The following MELK variants were observed in gnomAD, a reference collection of about 807,000 sequenced individuals.
MELK encodes the protein pEg3 kinase.
A neutral mutation model predicts 85.0 loss-of-function variants in MELK; 81 were observed. That is an observed-to-expected ratio of 0.95 (90% CI 0.80 to 1.15). MELK has a LOEUF of 1.15. Among genes scored for constraint, MELK ranks in the 50% most tolerant of loss-of-function variants. The probability of loss-of-function intolerance (pLI) is 0.00; values close to 1 mark genes in which losing one functional copy is unlikely to be tolerated. For synonymous variants in MELK, 252 were observed against 265.0 expected (o/e 0.95, Z 0.48); for missense variants, 754 against 777.5 (o/e 0.97, Z 0.36).
chr9:36,630,204 T>G, intron 8 of MELK, 95 bp from the exon 9 acceptor site: 1 of 939,730 alleles, frequency 1.1e-6, no homozygotes, highest in South Asian at 1.4e-5. Flanking sequence ...GGTGAAGTCT[T>G]CAAGCTTAAA....
intron 11 of MELK, among the ~76,000 whole-genome samples, chr9:36,644,852 A>G (rs1196860112): frequency 6.6e-6 from 1 of 152,148 alleles, no homozygotes; most frequent in Non-Finnish European, 1.5e-5. Context: ...TCTATATCCT[A>G]CCACTTTCTC....
At chr9:36,652,662 G>A (rs1323462456) in intron 12 of MELK, among the ~76,000 whole-genome samples, 3 of 150,872 alleles carry the variant, frequency 2.0e-5, no homozygotes, top group East Asian at 2.0e-4. Flanking sequence ...CCCGAGAGGC[G>A]GAGGTTACAG....
intron 7 of MELK, 81 bp downstream of exon 7, chr9:36,599,567 T>TG (rs1564143170): frequency 2.1e-6 from 2 of 951,612 alleles, no homozygotes; most frequent in Non-Finnish European, 3.3e-6. Context: ...CACTGTGCGT[T>TG]GGGGGTATAA....
Position 36,615,228 on chromosome 9 carries a change from C to T in MELK, c.666+7555C>T, listed in dbSNP as rs1462278754. Among the ~76,000 whole-genome samples, 555 of 138,468 alleles carry T rather than the reference C, an allele frequency of 4.0e-3. 2 individuals are homozygous for T. The highest frequency in any genetic ancestry group is 0.013 in the African/African-American group (453 of 35,300). 90.8% of individuals were successfully genotyped at this position (138,468 alleles called of 152,430 possible). A position where few individuals can be genotyped will look rare whatever the true frequency, so the allele number is the denominator to read the frequency against. On this transcript the variant is annotated intron_variant, in intron 8 of 17. Coordinates refer to ENST00000298048, the MANE Select transcript of MELK (RefSeq NM_014791.4). ...CCCCCCACCTCCCTCCCAGACGGCACGGCTGGCCAGGCGGGGGGCTGACCC... is the reference window on the plus strand; with the variant it reads ...CCCCCCACCTCCCTCCCAGACGGCATGGCTGGCCAGGCGGGGGGCTGACCC...
chr9:36,602,020 TG>T (rs1683206659), intron 7 of MELK, among the ~76,000 whole-genome samples: 2 of 152,352 alleles, frequency 1.3e-5, no homozygotes, highest in South Asian at 4.1e-4. Flanking sequence ...TGAATAATGT[TG>T]ATAGGAATAT....
intron 8 of MELK, among the ~76,000 whole-genome samples, chr9:36,613,694 A>G (rs1206501967): frequency 6.6e-6 from 1 of 152,144 alleles, no homozygotes; most frequent in African/African-American, 2.4e-5. Flanking sequence ...TCAAGTGGAT[A>G]TCTAGGAGAA....
intron 12 of MELK, among the ~76,000 whole-genome samples, chr9:36,653,938 C>T (rs1377407785): frequency 3.3e-5 from 5 of 152,152 alleles, no homozygotes; most frequent in African/African-American, 1.2e-4. Flanking sequence ...TATGTCACTG[C>T]CAGAACTAAC....
chr9:36,574,864 C>G (rs1289593896), intron 1 of MELK, among the ~76,000 whole-genome samples: 5 of 150,580 alleles, frequency 3.3e-5, no homozygotes, highest in Middle Eastern at 3.5e-3. Context: ...AGGCCGGGCG[C>G]GGTGGCTCAC....
At chr9:36,577,578 C>T (rs2134783717) in intron 1 of MELK, among the ~76,000 whole-genome samples, 1 of 152,084 alleles carries the variant, frequency 6.6e-6, no homozygotes, top group Non-Finnish European at 1.5e-5. Flanking sequence ...GTGATCCACC[C>T]ACCTCAGCCT....
At chr9:36,615,447 C>A (rs1339156125) in intron 8 of MELK, among the ~76,000 whole-genome samples, 1 of 137,362 alleles carries the variant, frequency 7.3e-6, no homozygotes, top group Non-Finnish European at 1.6e-5. Flanking sequence ...GGGGGGCTGA[C>A]CCCCCCACCT....
chr9:36,630,310 T>C lies in MELK; in HGVS notation c.678T>C (p.Tyr226=), dbSNP rs970224452. Residue 226 remains tyrosine, a synonymous_variant, in exon 9 of 18, where the codon TAT becomes TAC. Transcript: ENST00000298048. ...CTTTGTTTTTGTAGAGAGGAAAATA[T>C]GATGTTCCCAAGTGGCTCTCTCCCA... is the stretch of plus-strand genomic sequence containing the variant. ...ALYKKIMRGK[Y]DVPKWLSPSS... 5.6e-6 allele frequency: 9 copies of C among 1,611,946 alleles called. No individual in the cohort carries two copies. Among genetic ancestry groups the C allele is most frequent in the African/African-American group, 2.7e-5 (2 of 74,888 alleles).
At position 36,594,528 on chromosome 9, in the gene MELK, A is replaced by G. The variant is rs1055494870; in HGVS notation, c.262-100A>G. ...TCGGTTCCATTCCCTATAAAGTCGAATTAATAATATCTCTGAGTTAAGTGT... is the reference window on the plus strand; with the variant it reads ...TCGGTTCCATTCCCTATAAAGTCGAGTTAATAATATCTCTGAGTTAAGTGT... On this transcript the variant is annotated intron_variant, in intron 4 of 17. Coordinates refer to ENST00000298048, the MANE Select transcript of MELK (RefSeq NM_014791.4). The G allele has an allele frequency of 5.6e-5, 78 of 1,389,348 alleles. No homozygotes were observed. In the South Asian group the frequency reaches 9.1e-4, roughly 16 times the overall value. The allele number at this position is 1,389,348 out of a possible 1,614,324, so 86.1% of individuals were successfully genotyped here.
intron 10 of MELK, among the ~76,000 whole-genome samples, chr9:36,634,142 A>G (rs1828893739): frequency 6.6e-6 from 1 of 152,248 alleles, no homozygotes. Context: ...TCGTTATACA[A>G]CATTAAATCA....
intron 13 of MELK, among the ~76,000 whole-genome samples, chr9:36,660,480 G>A (rs2137622077): frequency 6.6e-6 from 1 of 152,088 alleles, no homozygotes; most frequent in East Asian, 2.0e-4. Flanking sequence ...ACCATGCCCA[G>A]CTAATTTTTA....
rs1829898089 is a variant in MELK, at chr9:36,643,015, G to T, written c.853G>T (p.Asp285Tyr). ...TTTGTAGTTTATTCACCTCGATGAT[G>T]ATTGCGTAACAGAACTTTCTGTACA... ...SKNPFIHLDDDCVTELSVHHR... is the reference protein window; with the variant it reads ...SKNPFIHLDDYCVTELSVHHR... The change falls in exon 11 of 18, where the codon GAT becomes TAT. Residue 285 changes from aspartate to tyrosine, a missense_variant. Coordinates refer to ENST00000298048, the MANE Select transcript of MELK (RefSeq NM_014791.4). 2 of 1,609,630 alleles carry T rather than the reference G, an allele frequency of 1.2e-6. No homozygotes were observed. The highest frequency in any genetic ancestry group is 4.5e-5 in the East Asian group (2 of 44,700).
chr9:36,603,411 TTC>T (rs991366832), intron 7 of MELK, among the ~76,000 whole-genome samples: 198 of 152,250 alleles, frequency 1.3e-3, no homozygotes, highest in African/African-American at 4.2e-3. Context: ...ATGGTTTCAG[TTC>T]TCTCTTCCTC....
intron 8 of MELK, among the ~76,000 whole-genome samples, chr9:36,625,544 G>A (rs1827845090): frequency 6.6e-6 from 1 of 152,208 alleles, no homozygotes; most frequent in Non-Finnish European, 1.5e-5. Flanking sequence ...AGGCAGCAGT[G>A]AGCCTTCAGA....
intron 11 of MELK, among the ~76,000 whole-genome samples, chr9:36,649,265 T>A (rs552912882): frequency 2.0e-5 from 3 of 151,268 alleles, no homozygotes; most frequent in South Asian, 4.2e-4. Context: ...CGCGGGCAGA[T>A]CATGAGGTCA....
intron 14 of MELK, among the ~76,000 whole-genome samples, chr9:36,669,055 A>G (rs1219744931): frequency 6.6e-6 from 1 of 152,238 alleles, no homozygotes; most frequent in Non-Finnish European, 1.5e-5. Context: ...TTATAATAAA[A>G]TTAAAAGCAT....
Sources: allele counts gnomAD v4.1 joint callset (sites outside exome capture counted in the v4.1 genomes callset), GRCh38; gene constraint gnomAD v4.1.1; transcripts MANE v1.5; gene names NCBI Gene and HGNC (gene_info 2026-07-23, HGNC 2026-07-21).